The following ZNF652 variants were observed in gnomAD, a reference collection of about 807,000 sequenced individuals.
ZNF652 encodes zinc finger protein 652.
In ZNF652, 16 loss-of-function variants were observed where a neutral mutation model predicts 45.2. The observed-to-expected ratio is 0.35, with a 90% CI of 0.24 to 0.54. The LOEUF (loss-of-function observed/expected upper bound fraction) is 0.54. Among genes scored for constraint, ZNF652 ranks in the 20% least tolerant of loss-of-function variants. ZNF652 has a pLI of 0.91. For synonymous variants in ZNF652, 250 were observed against 260.6 expected, an observed-to-expected ratio of 0.96 and a Z score of 0.39; for missense variants, 614 against 765.6, an observed-to-expected ratio of 0.80 and a Z score of 2.34.
chr17:49,311,286 C>T (rs1209760058), intron 5 of ZNF652, 26 bp downstream of exon 5: 2 of 1,612,208 alleles, frequency 1.2e-6, no homozygotes, highest in Non-Finnish European at 1.7e-6. Context: ...GAGACATTAT[C>T]TGTACCTTTC....
At chr17:49,341,489 CAAAAAAAAAAAAAA>C (rs754847307) in intron 1 of ZNF652, among the ~76,000 whole-genome samples, 2 of 82,202 alleles carry the variant, frequency 2.4e-5, no homozygotes, top group Admixed American at 3.2e-4. Flanking sequence ...CTCATCTCTA[CAAAAAAAAAAAAAA>C]AAAAAAAAAA....
chr17:49,301,788 A>G (rs1449653353), intron 5 of ZNF652, among the ~76,000 whole-genome samples: 2 of 152,092 alleles, frequency 1.3e-5, no homozygotes, highest in African/African-American at 4.8e-5. Flanking sequence ...GCACTTTGGG[A>G]GGCCAAGGCA....
intron 1 of ZNF652, among the ~76,000 whole-genome samples, chr17:49,320,913 C>T (rs1402043753): frequency 6.6e-6 from 1 of 151,324 alleles, no homozygotes; most frequent in East Asian, 1.9e-4. Context: ...TGCAGTGGTG[C>T]GATCTCGTCT....
At chr17:49,356,190 G>A (rs558215466) in intron 1 of ZNF652, among the ~76,000 whole-genome samples, 2 of 151,858 alleles carry the variant, frequency 1.3e-5, no homozygotes, top group African/African-American at 4.8e-5. Context: ...CACTTTGGGA[G>A]GCCAAGGCAG....
At chr17:49,312,065 T>A in intron 3 of ZNF652, 23 bp from the exon 4 acceptor site, 1 of 1,570,510 alleles carries the variant, frequency 6.4e-7, no homozygotes, top group South Asian at 1.1e-5. Context: ...ATGTACTTAG[T>A]GTCAAAACAA....
intron 5 of ZNF652, among the ~76,000 whole-genome samples, chr17:49,301,082 C>T (rs1417653648): frequency 6.6e-6 from 1 of 152,132 alleles, no homozygotes; most frequent in African/African-American, 2.4e-5. Context: ...TTCCCACCCT[C>T]CAGGACCCCT....
At chr17:49,314,525 AC>A (rs2069770779) in intron 2 of ZNF652, among the ~76,000 whole-genome samples, 1 of 152,242 alleles carries the variant, frequency 6.6e-6, no homozygotes, top group Admixed American at 6.5e-5. Context: ...TAAAGCCTAT[AC>A]CTTTTCCCTT....
At chr17:49,309,667 G>GT (rs1205058183) in intron 5 of ZNF652, among the ~76,000 whole-genome samples, 1 of 152,160 alleles carries the variant, frequency 6.6e-6, no homozygotes, top group Non-Finnish European at 1.5e-5. Context: ...AGGAGAATCT[G>GT]TTAACTATTC....
At chr17:49,319,190 G>A (rs527855678) in intron 1 of ZNF652, among the ~76,000 whole-genome samples, 21 of 152,210 alleles carry the variant, frequency 1.4e-4, no homozygotes, top group Middle Eastern at 6.8e-3. Flanking sequence ...GAATATTACC[G>A]TAAACACATA....
intron 1 of ZNF652, among the ~76,000 whole-genome samples, chr17:49,332,159 T>G (rs1302036767): frequency 6.6e-6 from 1 of 151,104 alleles, no homozygotes; most frequent in Non-Finnish European, 1.5e-5. Flanking sequence ...TCCCAGCTAC[T>G]TGGGAGGCTG....
chr17:49,322,777 C>CGG (rs368210604), intron 1 of ZNF652, among the ~76,000 whole-genome samples: 76 of 152,154 alleles, frequency 5.0e-4, no homozygotes, highest in African/African-American at 1.7e-3. Context: ...CCGAGCTACT[C>CGG]GGGAGGCTGA....
intron 1 of ZNF652, among the ~76,000 whole-genome samples, chr17:49,348,519 G>GAAAAGAAAAGAAAAGAAAAGAA (rs2070235001): frequency 1.3e-5 from 2 of 148,296 alleles, no homozygotes; most frequent in African/African-American, 5.0e-5. Flanking sequence ...GAAAAGAAAA[G>GAAAAGAAAAGAAAAGAAAAGAA]AAAAGAAAAG....
chr17:49,313,408 C>T (rs893538855), intron 2 of ZNF652, among the ~76,000 whole-genome samples: 2 of 152,094 alleles, frequency 1.3e-5, no homozygotes, highest in Non-Finnish European at 2.9e-5. Context: ...CCACCCGCCT[C>T]AGCCTCCCAA....
At chr17:49,359,605 G>T (rs2070372150) in intron 1 of ZNF652, among the ~76,000 whole-genome samples, 1 of 152,180 alleles carries the variant, frequency 6.6e-6, no homozygotes, top group Non-Finnish European at 1.5e-5. Flanking sequence ...ACTATCACAA[G>T]CTGGAATAAA....
At chr17:49,324,050 T>A in intron 1 of ZNF652, among the ~76,000 whole-genome samples, 1 of 152,226 alleles carries the variant, frequency 6.6e-6, no homozygotes, top group African/African-American at 2.4e-5. Context: ...TCAATGACAG[T>A]CCTAGATGGC....
rs1208007083 is a variant in ZNF652, at chr17:49,311,372, A to G, written c.1249T>C (p.Trp417Arg). 1.2e-6 allele frequency: 2 copies of G among 1,614,136 alleles called. No homozygotes were observed. The highest frequency in any genetic ancestry group is 1.7e-6 in the Non-Finnish European group (2 of 1,179,978). ...TTCATGTTGAAATCCTTGCCACACC[A>G]CTGGCACATGAACTGTTTGTGCCCA... ...HIGHKQFMCQ[W>R]CGKDFNMKQY... Residue 417 changes from tryptophan (W) to arginine (R), a missense_variant, in exon 5 of 6, where the codon TGG becomes CGG. Around this residue, in one of 5 missense-constraint regions of ZNF652, gnomAD observed 81 missense variants for 167.0 expected, o/e 0.48. Coordinates refer to ENST00000430262, the MANE Select transcript of ZNF652 (RefSeq NM_001145365.3).
rs1365043929 is a variant in ZNF652 at position 49,311,910 on chromosome 17, G to A, written c.1164+17C>T. 6.2e-7 allele frequency: 1 copy of A among 1,601,820 alleles called. No homozygotes were observed. Among genetic ancestry groups the A allele is most frequent in the Non-Finnish European group, 8.5e-7 (1 of 1,169,774 alleles). On this transcript the variant is annotated intron_variant, in intron 4 of 5. Transcript: ENST00000430262. ...ACTAGCCCCTAGGCCTGGGCCTGTA[G>A]GTAGCACATTCCTTACCTCGCATCT...
chr17:49,340,383 T>C (rs1351335884), intron 1 of ZNF652, among the ~76,000 whole-genome samples: 2 of 151,542 alleles, frequency 1.3e-5, no homozygotes, highest in Non-Finnish European at 2.9e-5. Context: ...TGGCGAAACC[T>C]TGTCTCTACT....
chr17:49,327,773 ATATATATTTTTTTTT>A (rs2069979418), intron 1 of ZNF652, among the ~76,000 whole-genome samples: 1 of 2,838 alleles, frequency 3.5e-4, no homozygotes, highest in African/African-American at 1.6e-3. Context: ...ATATATATAT[ATATATATTTTTTTTT>A]TTTTTTTTTA....
Sources: allele counts gnomAD v4.1 joint callset (sites outside exome capture counted in the v4.1 genomes callset), GRCh38; gene constraint gnomAD v4.1.1; regional missense constraint gnomAD v4.1.1; transcripts MANE v1.5; gene names NCBI Gene and HGNC (gene_info 2026-07-23, HGNC 2026-07-21).